MICU1: variants seen among roughly 807,000 people sequenced by gnomAD.
MICU1 encodes mitochondrial calcium uptake 1, also known as calcium uptake protein 1, mitochondrial.
A neutral mutation model predicts 56.8 loss-of-function variants in MICU1; 45 were observed. The observed-to-expected ratio is 0.79, with a 90% CI of 0.62 to 1.02. MICU1 has a LOEUF of 1.02. MICU1 is among the 50% of genes least tolerant of loss of function. The pLI, the probability that MICU1 is intolerant of heterozygous loss-of-function variation, is 0.00. For missense variants in MICU1, 504 were observed against 587.1 expected, an observed-to-expected ratio of 0.86 and a Z score of 1.46; for synonymous variants, 186 against 195.1, an observed-to-expected ratio of 0.95 and a Z score of 0.39.
intron 8 of MICU1, among the ~76,000 whole-genome samples, chr10:72,431,527 A>G (rs1304151801): frequency 2.6e-5 from 4 of 152,210 alleles, no homozygotes; most frequent in East Asian, 3.8e-4. Flanking sequence ...ACATTCTTAG[A>G]TAACTGTGCT....
chr10:72,378,377 T>C (rs1862594874), intron 10 of MICU1, among the ~76,000 whole-genome samples: 1 of 152,192 alleles, frequency 6.6e-6, no homozygotes, highest in Non-Finnish European at 1.5e-5. Context: ...CTTGCTGTTC[T>C]CATGATAGTA....
At position 72,577,135 on chromosome 10, in the gene MICU1, A is replaced by C. The variant is rs1460364909; in HGVS notation, c.-1-10341T>G. Among the ~76,000 whole-genome samples, 4 of 152,234 alleles carry C rather than the reference A, an allele frequency of 2.6e-5. No homozygotes were observed. In the East Asian group the frequency reaches 7.7e-4, roughly 29 times the overall value. Reference sequence around the variant, plus strand: ...ACTAATAAGTGGGAGCTAAGCTATGAGGGCACAAAGGCATAATAATGATAT... The same window carrying C: ...ACTAATAAGTGGGAGCTAAGCTATGCGGGCACAAAGGCATAATAATGATAT... On this transcript the variant is annotated intron_variant, in intron 1 of 11. Coordinates refer to ENST00000361114, the MANE Select transcript of MICU1 (RefSeq NM_001195518.2).
intron 5 of MICU1, among the ~76,000 whole-genome samples, chr10:72,515,325 G>C (rs983894893): frequency 2.0e-5 from 3 of 152,190 alleles, no homozygotes; most frequent in African/African-American, 4.8e-5. Context: ...ATTTTTGGCA[G>C]CTTAATTTTT....
chr10:72,415,233 C>T (rs1438264435), intron 9 of MICU1, among the ~76,000 whole-genome samples: 1 of 152,126 alleles, frequency 6.6e-6, no homozygotes, highest in Admixed American at 6.6e-5. Flanking sequence ...CCAGGCTGGT[C>T]TTGAACTCCT....
At chr10:72,577,897 G>A (rs1840791094) in intron 1 of MICU1, among the ~76,000 whole-genome samples, 1 of 152,162 alleles carries the variant, frequency 6.6e-6, no homozygotes, top group South Asian at 2.1e-4. Flanking sequence ...TACTCCCAGT[G>A]AAGATGCTGT....
At chr10:72,593,533 A>G (rs1841287770) in intron 1 of MICU1, among the ~76,000 whole-genome samples, 1 of 152,132 alleles carries the variant, frequency 6.6e-6, no homozygotes, top group African/African-American at 2.4e-5. Flanking sequence ...AAAAAAAAAA[A>G]AAACCAAAAA....
At chr10:72,429,245 C>T (rs2132152172) in intron 8 of MICU1, among the ~76,000 whole-genome samples, 1 of 151,800 alleles carries the variant, frequency 6.6e-6, no homozygotes, top group African/African-American at 2.4e-5. Flanking sequence ...CATGGTAAAA[C>T]CCTGTCTCTA....
At chr10:72,493,133 A>G (rs938721675) in intron 6 of MICU1, among the ~76,000 whole-genome samples, 1 of 152,200 alleles carries the variant, frequency 6.6e-6, no homozygotes, top group African/African-American at 2.4e-5. Context: ...GTGAAATAGC[A>G]GTAATTAGCA....
At chr10:72,511,793 T>G (rs1191659851) in intron 5 of MICU1, among the ~76,000 whole-genome samples, 1 of 152,166 alleles carries the variant, frequency 6.6e-6, no homozygotes, top group African/African-American at 2.4e-5. Context: ...ATAATACACT[T>G]TTCTGAAGTC....
Position 72,458,350 on chromosome 10 carries a change from T to C in MICU1, c.933+16750A>G, listed in dbSNP as rs567742567. On this transcript the variant is annotated intron_variant, in intron 8 of 11. Coordinates refer to ENST00000361114, the MANE Select transcript of MICU1 (RefSeq NM_001195518.2). ...TATATTCAAGGAAACTACTTTAGGTTCTTCCTTAATTTCTGACATGTGCTC... is the reference window on the plus strand; with the variant it reads ...TATATTCAAGGAAACTACTTTAGGTCCTTCCTTAATTTCTGACATGTGCTC... Among the ~76,000 whole-genome samples, 123 of 152,328 alleles carry C rather than the reference T, an allele frequency of 8.1e-4. 1 individual carries two copies. Among genetic ancestry groups the C allele is most frequent in the Middle Eastern group, 3.4e-3 (1 of 294 alleles).
At chr10:72,586,228 T>C (rs1481073219) in intron 1 of MICU1, among the ~76,000 whole-genome samples, 6 of 152,060 alleles carry the variant, frequency 3.9e-5, no homozygotes, top group African/African-American at 1.2e-4. Context: ...CTTAAGCTAG[T>C]CTCGAACTCC....
At chr10:72,575,110 G>C (rs1840708078) in intron 1 of MICU1, among the ~76,000 whole-genome samples, 1 of 150,000 alleles carries the variant, frequency 6.7e-6, no homozygotes, top group Admixed American at 6.6e-5. Flanking sequence ...TATTGCTAAG[G>C]CTAGTTTTGA....
chr10:72,457,615 C>T (rs1407527916), intron 8 of MICU1, among the ~76,000 whole-genome samples: 2 of 152,018 alleles, frequency 1.3e-5, no homozygotes, highest in Non-Finnish European at 2.9e-5. Flanking sequence ...TTATCTTGAA[C>T]AAGTACAACT....
intron 6 of MICU1, among the ~76,000 whole-genome samples, chr10:72,493,053 G>T (rs958147621): frequency 1.3e-5 from 2 of 152,144 alleles, no homozygotes; most frequent in African/African-American, 4.8e-5. Context: ...GGAGGCAGAG[G>T]TGGCAGTGAG....
In MICU1 at chr10:72,498,088, T is replaced by C. The variant is rs74804167; in HGVS notation, c.652+10067A>G. Reference sequence around the variant, plus strand: ...ATTCATTCATGATTTAATGTGAACATTGCTTTTAAATTATGACAAAAAATA... The same window carrying C: ...ATTCATTCATGATTTAATGTGAACACTGCTTTTAAATTATGACAAAAAATA... On this transcript the variant is annotated intron_variant, in intron 6 of 11. Coordinates refer to ENST00000361114, the MANE Select transcript of MICU1 (RefSeq NM_001195518.2). Among the ~76,000 whole-genome samples the C allele has an allele frequency of 3.1e-3, 472 of 152,336 alleles. 2 individuals are homozygous for C. Among genetic ancestry groups the C allele is most frequent in the African/African-American group, 0.011 (442 of 41,584 alleles).
intron 5 of MICU1, among the ~76,000 whole-genome samples, chr10:72,525,815 T>C (rs1867945270): frequency 6.6e-6 from 1 of 152,210 alleles, no homozygotes; most frequent in Non-Finnish European, 1.5e-5. Context: ...ACAGAGAGGT[T>C]AACTGGTCTC....
At chr10:72,614,636 T>A (rs1374700769) in intron 1 of MICU1, among the ~76,000 whole-genome samples, 1 of 152,216 alleles carries the variant, frequency 6.6e-6, no homozygotes, top group Non-Finnish European at 1.5e-5. Flanking sequence ...ACCTGAAGGA[T>A]ACTATGCTAA....
intron 3 of MICU1, chr10:72,560,581 T>A (rs903453930): frequency 6.6e-6 from 1 of 152,194 alleles, no homozygotes; most frequent in Non-Finnish European, 1.5e-5. Flanking sequence ...AATAAACTTA[T>A]GACATAAGCC....
At chr10:72,476,813 T>G (rs963981654) in intron 7 of MICU1, among the ~76,000 whole-genome samples, 5 of 152,128 alleles carry the variant, frequency 3.3e-5, no homozygotes, top group Non-Finnish European at 7.4e-5. Flanking sequence ...TAGAAATCCT[T>G]TAAGAAAATA....
Sources: gnomAD v4.1 joint callset for allele counts (sites outside exome capture counted in the v4.1 genomes callset) on GRCh38, gnomAD v4.1.1 for gene constraint, MANE v1.5 for transcripts, NCBI Gene and HGNC (gene_info 2026-07-23, HGNC 2026-07-21) for gene names.